ATP2B2: variants seen among roughly 807,000 people sequenced by gnomAD.
ATP2B2 encodes plasma membrane calcium-transporting ATPase 2.
In ATP2B2, 15 loss-of-function variants were observed where a neutral mutation model predicts 120.0. That is an observed-to-expected ratio of 0.12 (90% confidence interval 0.08 to 0.19). The LOEUF is 0.19. ATP2B2 is among the 10% of genes least tolerant of loss of function. ATP2B2 has a pLI of 1.00. For synonymous variants in ATP2B2, 694 were observed against 700.3 expected (o/e 0.99, Z 0.14); for missense variants, 1,045 against 1,719.8 (o/e 0.61, Z 6.94).
At chr3:10,438,262 C>T (rs938427593) in intron 2 of ATP2B2, among the ~76,000 whole-genome samples, 1 of 152,314 alleles carries the variant, frequency 6.6e-6, no homozygotes, top group East Asian at 1.9e-4. Context: ...CTGCTCTGAC[C>T]CCACTGAGCT....
intron 2 of ATP2B2, among the ~76,000 whole-genome samples, chr3:10,574,006 C>G (rs796952684): frequency 2.0e-5 from 3 of 152,074 alleles, no homozygotes; most frequent in Non-Finnish European, 4.4e-5. Context: ...CCTATTGACA[C>G]GTTCAATTCT....
At chr3:10,422,531 C>A (rs1352495539) in intron 2 of ATP2B2, among the ~76,000 whole-genome samples, 1 of 152,152 alleles carries the variant, frequency 6.6e-6, no homozygotes, top group Non-Finnish European at 1.5e-5. Context: ...AATCCAGTCT[C>A]TGTCATGTGG....
intron 2 of ATP2B2, among the ~76,000 whole-genome samples, chr3:10,599,510 G>A (rs2068848546): frequency 6.6e-6 from 1 of 152,068 alleles, no homozygotes. Context: ...GCCCCTGGAG[G>A]GCAGGCATGG....
At chr3:10,534,641 G>A (rs1388982791) in intron 2 of ATP2B2, among the ~76,000 whole-genome samples, 2 of 152,160 alleles carry the variant, frequency 1.3e-5, no homozygotes, top group Admixed American at 1.3e-4. Context: ...ACAGGTGTGT[G>A]CCCTGGAGAG....
intron 12 of ATP2B2, among the ~76,000 whole-genome samples, chr3:10,366,439 G>T (rs1423964920): frequency 6.6e-6 from 1 of 152,134 alleles, no homozygotes; most frequent in Non-Finnish European, 1.5e-5. Context: ...TCCTGCAGGG[G>T]GAATCCTTCC....
intron 1 of ATP2B2, among the ~76,000 whole-genome samples, chr3:10,659,336 T>G (rs1357911993): frequency 1.3e-5 from 2 of 152,294 alleles, no homozygotes; most frequent in African/African-American, 4.8e-5. Context: ...CAGTGTGCTG[T>G]ATTCAGGAAA....
At chr3:10,350,358 A>C (rs1363922129) in intron 15 of ATP2B2, 40 bp downstream of exon 15, 1 of 1,613,648 alleles carries the variant, frequency 6.2e-7, no homozygotes, top group African/African-American at 1.3e-5. Flanking sequence ...CTCCCATCTG[A>C]GCGCGTTCCC....
intron 5 of ATP2B2, among the ~76,000 whole-genome samples, chr3:10,399,620 G>A (rs1345979657): frequency 6.6e-6 from 1 of 152,218 alleles, no homozygotes. Context: ...GTGGCACACA[G>A]TATGTGCTTA....
chr3:10,337,555 GCT>G (rs1303199514), intron 22 of ATP2B2, among the ~76,000 whole-genome samples: 3 of 152,162 alleles, frequency 2.0e-5, no homozygotes, highest in African/African-American at 7.2e-5. Context: ...TGGCAGCCAT[GCT>G]CTCTCTGCTC....
intron 2 of ATP2B2, among the ~76,000 whole-genome samples, chr3:10,610,696 C>A (rs561798671): frequency 6.6e-6 from 1 of 152,310 alleles, no homozygotes; most frequent in East Asian, 1.9e-4. Context: ...GGGTCTCATC[C>A]CTCTCCCCAT....
intron 1 of ATP2B2, among the ~76,000 whole-genome samples, chr3:10,654,169 C>T (rs923313962): frequency 2.0e-5 from 3 of 152,116 alleles, no homozygotes; most frequent in African/African-American, 7.2e-5. Context: ...GGATAAGATA[C>T]TTGCCCAAGG....
At chr3:10,683,748 A>ATGTGTGTGTGTT (rs2071439548) in intron 1 of ATP2B2, among the ~76,000 whole-genome samples, 1 of 57,332 alleles carries the variant, frequency 1.7e-5, no homozygotes, top group African/African-American at 7.0e-5. Flanking sequence ...GTGTATATAT[A>ATGTGTGTGTGTT]TGTGTGTGTG....
At chr3:10,472,012 C>T (rs1330632809) in intron 1 of ATP2B2, among the ~76,000 whole-genome samples, 8 of 140,420 alleles carry the variant, frequency 5.7e-5, no homozygotes, top group Admixed American at 1.6e-4. Context: ...ACCCGGGAGG[C>T]GGAACTTGGA....
intron 2 of ATP2B2, among the ~76,000 whole-genome samples, chr3:10,426,886 A>C: frequency 6.6e-6 from 1 of 151,822 alleles, no homozygotes; most frequent in East Asian, 1.9e-4. Flanking sequence ...GGTGGGGGGA[A>C]GATGGTGATG....
intron 2 of ATP2B2, among the ~76,000 whole-genome samples, chr3:10,442,334 G>A: frequency 6.6e-6 from 1 of 152,174 alleles, no homozygotes; most frequent in East Asian, 1.9e-4. Flanking sequence ...CCCTAGTCTT[G>A]CTGGAATCAC....
intron 1 of ATP2B2, among the ~76,000 whole-genome samples, chr3:10,670,959 G>A (rs2071079399): frequency 6.6e-6 from 1 of 152,232 alleles, no homozygotes; most frequent in Non-Finnish European, 1.5e-5. Context: ...TGGCTTTGGT[G>A]CATGGAGGCT....
chr3:10,416,365 G>A (rs1198428167), intron 2 of ATP2B2, among the ~76,000 whole-genome samples: 2 of 152,112 alleles, frequency 1.3e-5, no homozygotes, highest in African/African-American at 4.8e-5. Context: ...CCATTCCTTT[G>A]CTTGGGGTAC....
intron 1 of ATP2B2, among the ~76,000 whole-genome samples, chr3:10,699,260 A>G (rs1030718045): frequency 6.6e-6 from 1 of 152,248 alleles, no homozygotes; most frequent in African/African-American, 2.4e-5. Context: ...AGGGGTCCAC[A>G]TACAAGAATG....
At chr3:10,553,628 A>T (rs1333706717) in intron 2 of ATP2B2, among the ~76,000 whole-genome samples, 1 of 152,106 alleles carries the variant, frequency 6.6e-6, no homozygotes, top group African/African-American at 2.4e-5. Flanking sequence ...AGGCCCTCAG[A>T]GGATTGCAGA....
Sources: gnomAD v4.1 joint callset for allele counts (sites outside exome capture counted in the v4.1 genomes callset) on GRCh38, gnomAD v4.1.1 for gene constraint, MANE v1.5 for transcripts, NCBI Gene and HGNC (gene_info 2026-07-23, HGNC 2026-07-21) for gene names.